The following RGS6 variants were observed in gnomAD, a reference collection of about 807,000 sequenced individuals.
RGS6 encodes regulator of G protein signaling 6, also known as regulator of G-protein signaling 6.
A neutral mutation model predicts 78.5 loss-of-function variants in RGS6; 30 were observed. That is an observed-to-expected ratio of 0.38 (90% confidence interval 0.29 to 0.52). The LOEUF (loss-of-function observed/expected upper bound fraction) is 0.52. Ranked by LOEUF, RGS6 falls within the 20% of genes least tolerant of loss-of-function variation. RGS6 has a pLI of 0.85. For synonymous variants in RGS6, 206 were observed against 206.0 expected (o/e 1.00, Z 0.00); for missense variants, 495 against 609.7 (o/e 0.81, Z 1.98).
intron 2 of RGS6, among the ~76,000 whole-genome samples, chr14:72,103,475 T>G (rs1355646267): frequency 1.3e-5 from 2 of 152,252 alleles, no homozygotes; most frequent in Non-Finnish European, 2.9e-5. Flanking sequence ...TTATCTCTTT[T>G]GCTCTGAATA....
At chr14:72,508,391 A>G (rs1334195943) in intron 13 of RGS6, among the ~76,000 whole-genome samples, 2 of 152,196 alleles carry the variant, frequency 1.3e-5, no homozygotes, top group Non-Finnish European at 2.9e-5. Context: ...TTTAAAATTC[A>G]GTTCATCAGT....
chr14:71,948,001 A>T (rs1324068332), intron 1 of RGS6, among the ~76,000 whole-genome samples: 1 of 152,196 alleles, frequency 6.6e-6, no homozygotes, highest in Non-Finnish European at 1.5e-5. Context: ...AACCCAACTG[A>T]ACTGAAGCAA....
the RGS6 span, among the ~76,000 whole-genome samples, chr14:72,627,729 A>G: frequency 6.6e-6 from 1 of 152,264 alleles, no homozygotes; most frequent in Non-Finnish European, 1.5e-5. Context: ...AAATTTATAA[A>G]TTAACTCAGG....
intron 2 of RGS6, among the ~76,000 whole-genome samples, chr14:72,171,825 T>C (rs2097024061): frequency 1.3e-5 from 2 of 152,228 alleles, no homozygotes; most frequent in Non-Finnish European, 2.9e-5. Flanking sequence ...CATTTAACCC[T>C]TACAACAACC....
chr14:72,387,332 C>A (rs960412107), intron 3 of RGS6, among the ~76,000 whole-genome samples: 3 of 151,986 alleles, frequency 2.0e-5, no homozygotes, highest in Non-Finnish European at 2.9e-5. Flanking sequence ...GGCGGATCAC[C>A]AGGTCAGGAG....
At chr14:71,926,519 G>T in the RGS6 span, among the ~76,000 whole-genome samples, 1 of 150,268 alleles carries the variant, frequency 6.7e-6, no homozygotes, top group East Asian at 2.0e-4. Context: ...AGGAGGCGGA[G>T]GTTGCAGTGA....
intron 2 of RGS6, among the ~76,000 whole-genome samples, chr14:72,338,836 C>T (rs1293537031): frequency 3.3e-5 from 5 of 152,038 alleles, no homozygotes. Context: ...TCATTTGCTA[C>T]AGATAGAAGA....
intron 15 of RGS6, among the ~76,000 whole-genome samples, chr14:72,523,328 T>C (rs2097074868): frequency 6.6e-6 from 1 of 152,164 alleles, no homozygotes; most frequent in African/African-American, 2.4e-5. Flanking sequence ...TTCTTTAAAC[T>C]TTCTCTTCTC....
chr14:72,227,063 T>C (rs1413353722), intron 2 of RGS6, among the ~76,000 whole-genome samples: 1 of 152,242 alleles, frequency 6.6e-6, no homozygotes, highest in Non-Finnish European at 1.5e-5. Context: ...CCACTAGATA[T>C]ACGACATTTC....
At chr14:72,464,938 G>A (rs2095864109) in intron 6 of RGS6, among the ~76,000 whole-genome samples, 1 of 152,140 alleles carries the variant, frequency 6.6e-6, no homozygotes, top group Non-Finnish European at 1.5e-5. Flanking sequence ...CTAGAGCAGG[G>A]GACAGTCTAG....
Position 72,052,970 on chromosome 14 carries a change from T to G in RGS6, c.84+88095T>G, listed in dbSNP as rs1287339110. On this transcript the variant is annotated intron_variant, in intron 2 of 17. Transcript: ENST00000553525. ...CTTTCTTTCTTTCTTTCTTTCTTTC[T>G]TTCTTTCTTTCTTTCTCTCTCTCTC... is the stretch of plus-strand genomic sequence containing the variant. Among the ~76,000 whole-genome samples the G allele has an allele frequency of 1.3e-4, 6 of 46,006 alleles. No homozygotes were observed. The Middle Eastern group carries it at 0.051, about 391-fold the overall frequency. The allele number at this position is 46,006 out of a possible 152,430, so 30.2% of individuals were successfully genotyped here.
chr14:71,895,205 A>T, the RGS6 span, among the ~76,000 whole-genome samples: 1 of 152,158 alleles, frequency 6.6e-6, no homozygotes, highest in East Asian at 1.9e-4. Context: ...TTGTTTTGAG[A>T]TGGAGTCTCA....
At chr14:72,121,468 T>C (rs573799371) in intron 2 of RGS6, among the ~76,000 whole-genome samples, 2 of 152,290 alleles carry the variant, frequency 1.3e-5, no homozygotes, top group South Asian at 2.1e-4. Flanking sequence ...TGTTGTTAGA[T>C]GGCCTGGAGG....
At chr14:72,206,464 A>G (rs971237809) in intron 2 of RGS6, among the ~76,000 whole-genome samples, 3 of 152,272 alleles carry the variant, frequency 2.0e-5, no homozygotes, top group Non-Finnish European at 4.4e-5. Flanking sequence ...GTGTATGCAC[A>G]ATATTGTGTG....
At chr14:72,265,375 G>A (rs573814708) in intron 2 of RGS6, among the ~76,000 whole-genome samples, 1 of 152,124 alleles carries the variant, frequency 6.6e-6, no homozygotes, top group Non-Finnish European at 1.5e-5. Flanking sequence ...CTGCCACCTG[G>A]CTCAGACACA....
intron 2 of RGS6, among the ~76,000 whole-genome samples, chr14:72,164,126 A>T (rs2096891974): frequency 6.6e-6 from 1 of 152,124 alleles, no homozygotes; most frequent in Non-Finnish European, 1.5e-5. Context: ...GCCCTCTACC[A>T]GTCTGCCGTG....
chr14:72,366,337 A>T (rs1027547436), intron 3 of RGS6, among the ~76,000 whole-genome samples: 1 of 152,162 alleles, frequency 6.6e-6, no homozygotes, highest in Admixed American at 6.6e-5. Flanking sequence ...GAGTAAATGC[A>T]CTGAGTTAGG....
intron 2 of RGS6, among the ~76,000 whole-genome samples, chr14:72,252,775 A>G (rs541907366): frequency 3.9e-4 from 59 of 152,340 alleles, no homozygotes; most frequent in South Asian, 2.9e-3. Flanking sequence ...GAAAACAATG[A>G]TGCAGTCCAA....
At chr14:72,204,975 G>A (rs575499596) in intron 2 of RGS6, among the ~76,000 whole-genome samples, 15 of 152,312 alleles carry the variant, frequency 9.8e-5, no homozygotes, top group Admixed American at 5.9e-4. Flanking sequence ...TTTCCTGCAC[G>A]GCTTCTCAGA....
Sources: gnomAD v4.1 joint callset for allele counts (sites outside exome capture counted in the v4.1 genomes callset) on GRCh38, gnomAD v4.1.1 for gene constraint, MANE v1.5 for transcripts, NCBI Gene and HGNC (gene_info 2026-07-23, HGNC 2026-07-21) for gene names.